AOX1: variants seen among roughly 807,000 people sequenced by gnomAD.
AOX1 encodes the protein aldehyde oxidase.
AOX1 carries 153 observed loss-of-function variants against 169.5 expected under a neutral mutation model. The observed-to-expected ratio is 0.90, with a 90% CI of 0.79 to 1.03. The LOEUF (loss-of-function observed/expected upper bound fraction) is 1.03, where lower values mean the gene tolerates loss of function less well. AOX1 is among the 50% of genes least tolerant of loss of function. AOX1 has a pLI of 0.00. For missense variants in AOX1, 1,656 were observed against 1,663.9 expected (o/e 1.00, Z 0.08); for synonymous variants, 562 against 581.9 (o/e 0.97, Z 0.49).
intron 14 of AOX1, among the ~76,000 whole-genome samples, 184 bp downstream of exon 14, chr2:200,612,977 G>GAAGTGGGAATTA (rs1362690152): frequency 2.6e-5 from 4 of 151,120 alleles, no homozygotes; most frequent in Non-Finnish European, 5.9e-5. Context: ...AGTGAATTCT[G>GAAGTGGGAATTA]AAGTGGGAAT....
chr2:200,668,361 G>A (rs970528234), intron 32 of AOX1, among the ~76,000 whole-genome samples: 20 of 151,916 alleles, frequency 1.3e-4, no homozygotes, highest in African/African-American at 1.9e-4. Flanking sequence ...CGCCTGCCTC[G>A]GCCTCCCAAA....
At chr2:200,622,258 T>A (rs942639185) in intron 18 of AOX1, among the ~76,000 whole-genome samples, 1 of 152,256 alleles carries the variant, frequency 6.6e-6, no homozygotes, top group Admixed American at 6.5e-5. Flanking sequence ...TGAGGACCCA[T>A]GTCTGATTCA....
chr2:200,592,647 T>C (rs1380521129), intron 1 of AOX1, among the ~76,000 whole-genome samples: 1 of 152,168 alleles, frequency 6.6e-6, no homozygotes, highest in Admixed American at 6.5e-5. Context: ...GTTTATTTGA[T>C]TGGGGCCATG....
At chr2:200,627,253 A>G (rs2035024645) in intron 19 of AOX1, 100 bp from the exon 20 acceptor site, 2 of 762,400 alleles carry the variant, frequency 2.6e-6, no homozygotes, top group Admixed American at 2.3e-5. Context: ...AGGTGAAGGG[A>G]GAAACAACCC....
chr2:200,666,977 G>A (rs1311740090), intron 32 of AOX1, among the ~76,000 whole-genome samples: 2 of 152,152 alleles, frequency 1.3e-5, no homozygotes, highest in African/African-American at 2.4e-5. Flanking sequence ...CTGTGACTAG[G>A]GAGCTTGAAT....
chr2:200,656,883 G>A lies in AOX1; in HGVS notation c.3117G>A (p.Leu1039=). The change falls in exon 27 of 35, where the codon CTG becomes CTA. Residue 1039 remains leucine, a synonymous_variant. Transcript: ENST00000374700. ...ACATTTATCTTGATGGCTCTGTGCT[G>A]GTCACTCACGGTGGAATTGAAATGG... ...LVHIYLDGSV[L]VTHGGIEMGQ... The A allele has an allele frequency of 1.3e-6, 2 of 1,582,836 alleles. No individual in the cohort carries two copies. The highest frequency in any genetic ancestry group is 8.6e-7 in the Non-Finnish European group (1 of 1,163,792).
At chr2:200,605,730 C>A in intron 10 of AOX1, 102 bp downstream of exon 10, 1 of 503,062 alleles carries the variant, frequency 2.0e-6, no homozygotes, top group Admixed American at 3.5e-5. Context: ...AATTATAATA[C>A]ACACAGAGAT....
chr2:200,649,732 G>A (rs1444603731), intron 25 of AOX1, among the ~76,000 whole-genome samples: 1 of 152,078 alleles, frequency 6.6e-6, no homozygotes, highest in Non-Finnish European at 1.5e-5. Flanking sequence ...ATTAGTGTGG[G>A]GAGATGGGGT....
At chr2:200,674,866 C>A (rs777545618), downstream of AOX1, among the ~76,000 whole-genome samples, 27 of 152,218 alleles carry the variant, frequency 1.8e-4, no homozygotes, top group Non-Finnish European at 2.2e-4. Flanking sequence ...TTAACGTTTT[C>A]TGGGTAGAGG....
At chr2:200,631,991 C>T (rs552339446) in intron 20 of AOX1, among the ~76,000 whole-genome samples, 1 of 152,048 alleles carries the variant, frequency 6.6e-6, no homozygotes, top group South Asian at 2.1e-4. Context: ...CTCAGATTTT[C>T]GATAAGATAG....
intron 20 of AOX1, 55 bp from the exon 21 acceptor site, chr2:200,634,736 C>T (rs533697597): frequency 4.1e-5 from 66 of 1,604,420 alleles, no homozygotes; most frequent in South Asian, 5.6e-5. Flanking sequence ...ACCTGGGGGA[C>T]GCTACCTGTT....
At chr2:200,612,569 C>T in intron 13 of AOX1, 40 bp from the exon 14 acceptor site, 1 of 1,599,166 alleles carries the variant, frequency 6.3e-7, no homozygotes, top group Non-Finnish European at 8.5e-7. Context: ...ATAGGTGATG[C>T]TCAGTGTTTC....
chr2:200,656,606 A>C (rs912630507), intron 26 of AOX1, among the ~76,000 whole-genome samples: 10 of 152,190 alleles, frequency 6.6e-5, no homozygotes, highest in Middle Eastern at 6.8e-3. Flanking sequence ...CTATGAGAAT[A>C]TGTGTGCACA....
intron 22 of AOX1, chr2:200,637,985 C>A: frequency 4.8e-6 from 2 of 417,612 alleles, no homozygotes; most frequent in Non-Finnish European, 9.1e-6. Context: ...CCCCTGGCAC[C>A]CAAGAGCCTC....
Position 200,659,255 on chromosome 2 carries a change from G to A in AOX1, c.3262G>A (p.Gly1088Ser). 6.2e-7 allele frequency: 1 copy of A among 1,613,724 alleles called. No individual in the cohort carries two copies. Among genetic ancestry groups the A allele is most frequent in the African/African-American group, 1.3e-5 (1 of 75,010 alleles). ...ETVPNANISG[G>S]SVVADLNGLA... ...TGTCCCTAATGCAAATATCTCTGGA[G>A]GTTCTGTGGTGGCAGATCTCAACGG... The change falls in exon 28 of 35, where the codon GGT becomes AGT. Residue 1088 changes from glycine to serine, a missense_variant. Gly to Ser is a moderately conservative substitution (Grantham distance 56). Transcript: ENST00000374700.
chr2:200,594,169 T>A (rs2034231776), intron 2 of AOX1, among the ~76,000 whole-genome samples: 1 of 152,028 alleles, frequency 6.6e-6, no homozygotes, highest in Admixed American at 6.6e-5. Context: ...ACCCTGGAGA[T>A]AAGGTTGAGT....
intron 29 of AOX1, 37 bp downstream of exon 29, chr2:200,660,106 GA>G: frequency 6.4e-7 from 1 of 1,553,576 alleles, no homozygotes; most frequent in Admixed American, 1.7e-5. Flanking sequence ...TATTTTAGAA[GA>G]AAAAGGAGTG....
chr2:200,671,274 T>C lies in AOX1; in HGVS notation c.*595T>C, dbSNP rs1574969364. ...AATAGGATAAAATATTTGTAAATCA[T>C]ATATTTGATAAAAGTCTTGTAACCA... On this transcript the variant is annotated 3_prime_UTR_variant, in exon 35 of 35. Transcript: ENST00000374700. The C allele has an allele frequency of 1.6e-5, 1 of 63,146 alleles. No individual in the cohort carries two copies. The highest frequency in any genetic ancestry group is 5.6e-4 in the South Asian group (1 of 1,798). The allele number at this position is 63,146 out of a possible 1,614,324, so 3.9% of individuals were successfully genotyped here.
At chr2:200,652,244 T>C (rs1027550075) in intron 26 of AOX1, among the ~76,000 whole-genome samples, 3 of 152,136 alleles carry the variant, frequency 2.0e-5, no homozygotes, top group African/African-American at 7.2e-5. Flanking sequence ...CTGAGAACAT[T>C]TGCATGCAGC....
Sources: gnomAD v4.1 joint callset for allele counts (sites outside exome capture counted in the v4.1 genomes callset) on GRCh38, gnomAD v4.1.1 for gene constraint, MANE v1.5 for transcripts, NCBI Gene and HGNC (gene_info 2026-07-23, HGNC 2026-07-21) for gene names.